CLASP1: variants seen among roughly 807,000 people sequenced by gnomAD.
CLASP1 encodes the protein cytoplasmic linker associated protein 1, also known as CLIP-associating protein 1.
Under a neutral mutation model 192.3 loss-of-function variants are expected in CLASP1, and 38 were observed. That is an observed-to-expected ratio of 0.20 (90% CI 0.15 to 0.26). The LOEUF (loss-of-function observed/expected upper bound fraction) is 0.26. Ranked by LOEUF, CLASP1 falls within the 10% of genes least tolerant of loss-of-function variation. The pLI, the probability that CLASP1 is intolerant of heterozygous loss-of-function variation, is 1.00. For synonymous variants in CLASP1, 691 were observed against 712.8 expected, an observed-to-expected ratio of 0.97 and a Z score of 0.49; for missense variants, 1,433 against 1,932.5, an observed-to-expected ratio of 0.74 and a Z score of 4.85.
In CLASP1 at chr2:121,445,001, G is replaced by A. The variant is rs552753183; in HGVS notation, c.1912+2336C>T. ...AAAAAACAAGGGAAGGGATAACAGG[G>A]AACAGTTAGTAACATTCAAAAAATT... is the stretch of plus-strand genomic sequence containing the variant. On this transcript the variant is annotated intron_variant, in intron 19 of 39. Coordinates refer to ENST00000263710, the Ensembl canonical transcript of CLASP1. 91 of 1,279,152 alleles carry A rather than the reference G, an allele frequency of 7.1e-5. 1 individual carries two copies. Among genetic ancestry groups the A allele is most frequent in the East Asian group, 5.6e-4 (12 of 21,366 alleles). The allele number at this position is 1,279,152 out of a possible 1,614,324, so 79.2% of individuals were successfully genotyped here.
At chr2:121,407,322 C>T (rs2077071063) in intron 25 of CLASP1, 149 bp downstream of exon 26, 1 of 809,684 alleles carries the variant, frequency 1.2e-6, no homozygotes, top group Non-Finnish European at 1.9e-6. Flanking sequence ...CATCTTGGTA[C>T]CTTTAGTGCC....
At chr2:121,435,589 A>G (rs1252574579) in intron 19 of CLASP1, among the ~76,000 whole-genome samples, 2 of 151,922 alleles carry the variant, frequency 1.3e-5, no homozygotes, top group African/African-American at 4.8e-5. Flanking sequence ...TTACCTTTTT[A>G]TATGCATGCT....
At chr2:121,531,079 T>TA (rs1179611134) in intron 2 of CLASP1, 2 of 686,822 alleles carry the variant, frequency 2.9e-6, no homozygotes, top group Non-Finnish European at 5.3e-6. Flanking sequence ...ACTTTGTGGT[T>TA]AAACCAGTAG....
chr2:121,613,540 C>A (rs2065951889), intron 1 of CLASP1, among the ~76,000 whole-genome samples: 1 of 152,100 alleles, frequency 6.6e-6, no homozygotes, highest in African/African-American at 2.4e-5. Context: ...CTGGTCTTGA[C>A]TCCCAAGTGG....
chr2:121,517,858 CTTTT>C (rs70954553), intron 6 of CLASP1, among the ~76,000 whole-genome samples: 164 of 30,808 alleles, frequency 5.3e-3, no homozygotes, highest in East Asian at 0.048. Context: ...AAGACTCAAG[CTTTT>C]TTTTTTTTTT....
chr2:121,498,629 T>C (rs756901596), intron 8 of CLASP1, among the ~76,000 whole-genome samples: 4 of 152,090 alleles, frequency 2.6e-5, no homozygotes, highest in Admixed American at 6.5e-5. Flanking sequence ...AGAAAACCCA[T>C]AGAATGGGAG....
intron 32 of CLASP1, 97 bp downstream of exon 33, chr2:121,387,024 TG>T (rs2073358294): frequency 1.0e-6 from 1 of 975,348 alleles, no homozygotes; most frequent in Non-Finnish European, 1.6e-6. Flanking sequence ...ATATTCTTTT[TG>T]TTATTTAGCT....
intron 19 of CLASP1, among the ~76,000 whole-genome samples, chr2:121,442,948 A>T (rs2083611089): frequency 3.9e-5 from 6 of 152,232 alleles, no homozygotes; most frequent in African/African-American, 1.4e-4. Context: ...CATCTCCTGC[A>T]GACTTTACCT....
At chr2:121,410,480 T>C (rs1306332836) in intron 24 of CLASP1, among the ~76,000 whole-genome samples, 4 of 151,868 alleles carry the variant, frequency 2.6e-5, no homozygotes, top group Non-Finnish European at 4.4e-5. Context: ...GTCTAGGTTA[T>C]GCCATCAAAG....
chr2:121,360,204 T>G (rs1176971912), intron 37 of CLASP1, among the ~76,000 whole-genome samples: 1 of 152,174 alleles, frequency 6.6e-6, no homozygotes, highest in Non-Finnish European at 1.5e-5. Context: ...AGTCTTACGC[T>G]CTTCATCTCC....
At chr2:121,412,461 T>A (rs2077874484) in intron 23 of CLASP1, among the ~76,000 whole-genome samples, 1 of 152,038 alleles carries the variant, frequency 6.6e-6, no homozygotes, top group Non-Finnish European at 1.5e-5. Flanking sequence ...TTACAGATGA[T>A]CTTTGTTCAA....
At chr2:121,644,801 T>C (rs2072849580) in intron 1 of CLASP1, among the ~76,000 whole-genome samples, 1 of 150,082 alleles carries the variant, frequency 6.7e-6, no homozygotes, top group Non-Finnish European at 1.5e-5. Context: ...AAAACAAAAT[T>C]TAGAAAATTA....
chr2:121,486,145 T>C (rs974638029), intron 8 of CLASP1, among the ~76,000 whole-genome samples: 35 of 152,284 alleles, frequency 2.3e-4, no homozygotes, highest in Non-Finnish European at 1.0e-4. Context: ...ACTATAATTA[T>C]AGTAATAATG....
chr2:121,593,971 GCA>G (rs2062774076), intron 2 of CLASP1, among the ~76,000 whole-genome samples: 1 of 150,200 alleles, frequency 6.7e-6, no homozygotes, highest in Non-Finnish European at 1.5e-5. Flanking sequence ...TCGCGCCACT[GCA>G]CTCCAGCCTC....
intron 32 of CLASP1, 39 bp from the exon 34 acceptor site, chr2:121,382,363 C>A (rs1183276760): frequency 4.5e-6 from 6 of 1,332,404 alleles, no homozygotes; most frequent in Admixed American, 2.6e-5. Flanking sequence ...GAGAGAAATA[C>A]AAAAAGCAAA....
chr2:121,382,291 C>T (rs759088930), exon 33 of CLASP1: 36 of 1,594,060 alleles, frequency 2.3e-5, no homozygotes, highest in African/African-American at 4.0e-5. Flanking sequence ...GTGGGTGCTT[C>T]GCTAACCCGT....
At chr2:121,355,896 TAC>T (rs1419368961) in intron 37 of CLASP1, among the ~76,000 whole-genome samples, 1 of 152,238 alleles carries the variant, frequency 6.6e-6, no homozygotes, top group African/African-American at 2.4e-5. Context: ...CCAATTCTGC[TAC>T]AGTCTCATTA....
At chr2:121,415,067 G>A (rs755883273) in intron 23 of CLASP1, among the ~76,000 whole-genome samples, 5 of 152,124 alleles carry the variant, frequency 3.3e-5, no homozygotes, top group Non-Finnish European at 7.4e-5. Context: ...GGTGTGAGCC[G>A]CTACGCCTGG....
At chr2:121,407,568 C>T (rs747635695) in exon 25 of CLASP1, 1 of 1,613,998 alleles carries the variant, frequency 6.2e-7, no homozygotes, top group Admixed American at 1.7e-5. Flanking sequence ...AGAACTTCTG[C>T]TACATCCTCA....
Sources: gnomAD v4.1 joint callset for allele counts (sites outside exome capture counted in the v4.1 genomes callset) on GRCh38, gnomAD v4.1.1 for gene constraint, MANE v1.5 for transcripts, NCBI Gene and HGNC (gene_info 2026-07-23, HGNC 2026-07-21) for gene names.